The following DNAAF11 variants were observed in gnomAD, a reference collection of about 807,000 sequenced individuals.
DNAAF11 encodes dynein axonemal assembly factor 11.
In DNAAF11, 45 loss-of-function variants were observed where a neutral mutation model predicts 60.8. The observed-to-expected ratio is 0.74, with a 90% CI of 0.58 to 0.95. The LOEUF (loss-of-function observed/expected upper bound fraction) is 0.95, where lower values mean the gene tolerates loss of function less well. Ranked by LOEUF, DNAAF11 falls within the 40% of genes least tolerant of loss-of-function variation. DNAAF11 has a pLI of 0.00. For synonymous variants in DNAAF11, 191 were observed against 183.5 expected (o/e 1.04, Z -0.33); for missense variants, 546 against 546.2 (o/e 1.00, Z 0.00).
upstream of DNAAF11, among the ~76,000 whole-genome samples, chr8:132,677,024 TCAGA>T (rs1476791816): frequency 6.6e-6 from 1 of 152,208 alleles, no homozygotes; most frequent in Non-Finnish European, 1.5e-5. Flanking sequence ...CTGTGTGGCA[TCAGA>T]CAGATGACTT....
chr8:132,645,631 G>A (rs866335723), intron 3 of DNAAF11, among the ~76,000 whole-genome samples: 5 of 152,210 alleles, frequency 3.3e-5, no homozygotes, highest in Admixed American at 6.5e-5. Flanking sequence ...AATAAACAGC[G>A]TAGAGAAGAC....
chr8:132,586,873 C>T (rs1815961011), intron 10 of DNAAF11, among the ~76,000 whole-genome samples: 2 of 152,148 alleles, frequency 1.3e-5, no homozygotes, highest in South Asian at 2.1e-4. Flanking sequence ...CTTCTTAATA[C>T]ATATTTTGCA....
the DNAAF11 span, among the ~76,000 whole-genome samples, chr8:132,699,864 T>C: frequency 6.6e-6 from 1 of 152,200 alleles, no homozygotes; most frequent in Admixed American, 6.6e-5. Flanking sequence ...TCACATATCA[T>C]ATGATTCCAG....
intron 1 of DNAAF11, among the ~76,000 whole-genome samples, chr8:132,670,221 T>C (rs1182961044): frequency 1.3e-5 from 2 of 152,006 alleles, no homozygotes; most frequent in East Asian, 3.8e-4. Flanking sequence ...TAAAGCTGGC[T>C]CTTTAAGAAA....
chr8:132,600,107 CA>C (rs1270867847), intron 10 of DNAAF11, among the ~76,000 whole-genome samples: 1 of 152,196 alleles, frequency 6.6e-6, no homozygotes, highest in Non-Finnish European at 1.5e-5. Context: ...GCAAAAATCA[CA>C]AGCATTCCTA....
intron 3 of DNAAF11, among the ~76,000 whole-genome samples, chr8:132,647,584 T>C (rs531974180): frequency 3.9e-5 from 6 of 152,244 alleles, no homozygotes; most frequent in African/African-American, 1.4e-4. Context: ...GCTGGTTTTT[T>C]GAAAAGAGCA....
the DNAAF11 span, among the ~76,000 whole-genome samples, chr8:132,683,142 T>C: frequency 6.6e-6 from 1 of 152,218 alleles, no homozygotes; most frequent in South Asian, 2.1e-4. Flanking sequence ...AAGTCTTCTA[T>C]TCAAATCCTA....
At chr8:132,600,267 A>T (rs1435320569) in intron 10 of DNAAF11, among the ~76,000 whole-genome samples, 2 of 152,196 alleles carry the variant, frequency 1.3e-5, no homozygotes, top group African/African-American at 4.8e-5. Context: ...TCAACAAAAT[A>T]AAAGAGGACA....
chr8:132,607,809 T>C (rs1231902378), intron 10 of DNAAF11, among the ~76,000 whole-genome samples: 2 of 152,270 alleles, frequency 1.3e-5, no homozygotes, highest in Admixed American at 6.5e-5. Flanking sequence ...TATTTTATCA[T>C]ATTAAACGGT....
chr8:132,599,735 T>G (rs529122342), intron 10 of DNAAF11, among the ~76,000 whole-genome samples: 28 of 152,322 alleles, frequency 1.8e-4, no homozygotes, highest in Middle Eastern at 3.4e-3. Flanking sequence ...CCCTTCATGC[T>G]AAAAACTCTG....
chr8:132,630,241 T>G (rs181422402), intron 5 of DNAAF11, among the ~76,000 whole-genome samples: 4 of 152,240 alleles, frequency 2.6e-5, no homozygotes, highest in Admixed American at 2.6e-4. Context: ...ATGCTATAAA[T>G]CTATACAAAT....
intron 2 of DNAAF11, among the ~76,000 whole-genome samples, chr8:132,657,596 G>C (rs973409657): frequency 6.6e-6 from 1 of 152,092 alleles, no homozygotes; most frequent in Non-Finnish European, 1.5e-5. Flanking sequence ...AAATCAACCT[G>C]ATACAGGATT....
chr8:132,646,585 G>A (rs1170531105), intron 3 of DNAAF11, among the ~76,000 whole-genome samples: 1 of 152,188 alleles, frequency 6.6e-6, no homozygotes, highest in East Asian at 1.9e-4. Context: ...CTGTATTCAG[G>A]AGACCCATCT....
chr8:132,590,237 C>G (rs764757751), intron 10 of DNAAF11, among the ~76,000 whole-genome samples: 1 of 152,178 alleles, frequency 6.6e-6, no homozygotes, highest in Non-Finnish European at 1.5e-5. Context: ...AAGAACCGTA[C>G]GTGCTTTCAC....
chr8:132,617,415 A>G (rs1819281015), intron 7 of DNAAF11, among the ~76,000 whole-genome samples: 1 of 152,206 alleles, frequency 6.6e-6, no homozygotes, highest in Non-Finnish European at 1.5e-5. Flanking sequence ...AGCAATTGTG[A>G]ATGGGAGTTC....
chr8:132,692,860 G>A, the DNAAF11 span, among the ~76,000 whole-genome samples: 3 of 152,182 alleles, frequency 2.0e-5, no homozygotes, highest in South Asian at 4.1e-4. Flanking sequence ...CGTGTATGAT[G>A]GCAGAAGGAA....
chr8:132,653,287 C>T (rs932640040), intron 3 of DNAAF11, among the ~76,000 whole-genome samples: 1 of 152,078 alleles, frequency 6.6e-6, no homozygotes, highest in Non-Finnish European at 1.5e-5. Flanking sequence ...AATTCTCTAT[C>T]TGGGAAAACT....
At chr8:132,646,979 C>G (rs1358212940) in intron 3 of DNAAF11, among the ~76,000 whole-genome samples, 2 of 152,014 alleles carry the variant, frequency 1.3e-5, no homozygotes, top group East Asian at 3.9e-4. Flanking sequence ...GAACTCAGCT[C>G]TGCACCAAGT....
intron 1 of DNAAF11, chr8:132,675,257 T>G: frequency 6.5e-6 from 3 of 460,238 alleles, no homozygotes; most frequent in Non-Finnish European, 7.9e-6. Context: ...GCCCCGCCCA[T>G]TTTACAGATT....
Sources: gnomAD v4.1 joint callset for allele counts (sites outside exome capture counted in the v4.1 genomes callset) on GRCh38, gnomAD v4.1.1 for gene constraint, MANE v1.5 for transcripts, NCBI Gene and HGNC (gene_info 2026-07-23, HGNC 2026-07-21) for gene names.